CAPRIN1: variants seen among roughly 807,000 people sequenced by gnomAD.
CAPRIN1 encodes the protein caprin-1.
In CAPRIN1, 29 loss-of-function variants were observed where a neutral mutation model predicts 100.9. The ratio of observed to expected loss-of-function variants is 0.29; its 90% CI spans 0.21 to 0.39. The LOEUF (loss-of-function observed/expected upper bound fraction) is 0.39. Among genes scored for constraint, CAPRIN1 ranks in the 10% least tolerant of loss-of-function variants. The pLI is 1.00. For missense variants in CAPRIN1, 795 were observed against 876.7 expected (o/e 0.91, Z 1.18); for synonymous variants, 338 against 307.5 (o/e 1.10, Z -1.04).
rs199858289 is a variant in CAPRIN1 at position 34,080,746 on chromosome 11, C to CA, written c.826+983dup. Among the ~76,000 whole-genome samples, 935 of 152,258 alleles carry CA rather than the reference C, an allele frequency of 6.1e-3. 14 individuals are homozygous for CA. The highest frequency in any genetic ancestry group is 0.021 in the African/African-American group (890 of 41,538). On this transcript the variant is annotated intron_variant, in intron 7 of 18. Transcript: ENST00000341394. ...CACTTACTAGCTCTGTAACTTTGGG[C>CA]AAGTTAATGAAACTCTTGTACCTCA...
intron 2 of CAPRIN1, among the ~76,000 whole-genome samples, chr11:34,060,481 A>AGT (rs1850555190): frequency 6.6e-6 from 1 of 152,208 alleles, no homozygotes; most frequent in Admixed American, 6.5e-5. Context: ...TTGGGATTAC[A>AGT]GGGTTGACCC....
chr11:34,056,209 AT>A (rs752575989), intron 2 of CAPRIN1, among the ~76,000 whole-genome samples: 2 of 152,226 alleles, frequency 1.3e-5, no homozygotes, highest in Non-Finnish European at 2.9e-5. Context: ...ACCTATTCTT[AT>A]CGGAGCCTTC....
intron 2 of CAPRIN1, among the ~76,000 whole-genome samples, chr11:34,058,367 C>G (rs1850500034): frequency 6.6e-6 from 1 of 152,094 alleles, no homozygotes; most frequent in African/African-American, 2.4e-5. Context: ...AAACTCCTGA[C>G]CTCAAGTGAT....
chr11:34,098,403 AACT>A, intron 18 of CAPRIN1: 1 of 985,416 alleles, frequency 1.0e-6, no homozygotes, highest in African/African-American at 1.7e-5. Flanking sequence ...ACTGTTGGAA[AACT>A]ACTTCCCATT....
rs113075451 is a variant in CAPRIN1, at chr11:34,059,492, A to G, written c.216+6856A>G. On this transcript the variant is annotated intron_variant, in intron 2 of 18. Coordinates refer to ENST00000341394, the MANE Select transcript of CAPRIN1 (RefSeq NM_005898.5). ...GCCATGTTGGCCATGCTGGTCTTGAACTCCTGACCTTGTGATCTGCCTGCC... is the reference window on the plus strand; with the variant it reads ...GCCATGTTGGCCATGCTGGTCTTGAGCTCCTGACCTTGTGATCTGCCTGCC... 9.5e-4 allele frequency among the ~76,000 whole-genome samples: 144 copies of G among 151,114 alleles called. 1 individual carries two copies. The highest frequency in any genetic ancestry group is 3.2e-3 in the African/African-American group (133 of 41,126).
intron 15 of CAPRIN1, among the ~76,000 whole-genome samples, chr11:34,093,758 T>C (rs1465514502): frequency 4.0e-5 from 6 of 150,980 alleles, no homozygotes; most frequent in Non-Finnish European, 8.8e-5. Flanking sequence ...TACCTCAGTC[T>C]CCCAAGTAGC....
chr11:34,096,617 C>A lies in CAPRIN1; in HGVS notation c.1844C>A (p.Ser615Tyr). The change falls in exon 16 of 19, where the codon TCC (serine) becomes TAC (tyrosine). Residue 615 changes from serine to tyrosine, a missense_variant. Ser to Tyr is a moderately radical substitution (Grantham distance 144). This residue lies in a region of CAPRIN1 where 648 missense variants were observed against 697.9 expected (regional missense o/e 0.93). Transcript: ENST00000341394. Reference protein sequence around the residue: ...YNSRGVSRGGSRGARGLMNGY... With the variant: ...YNSRGVSRGGYRGARGLMNGY... ...AGTCGTGGTGTGTCTCGTGGAGGCT[C>A]CCGTGGTGCTAGAGGCTTGATGAAT... 2 of 1,613,382 alleles carry A rather than the reference C, an allele frequency of 1.2e-6. No homozygotes were observed. The highest frequency in any genetic ancestry group is 1.7e-6 in the Non-Finnish European group (2 of 1,179,526).
At chr11:34,069,296 C>T (rs1030480838) in intron 2 of CAPRIN1, among the ~76,000 whole-genome samples, 3 of 151,486 alleles carry the variant, frequency 2.0e-5, no homozygotes, top group Non-Finnish European at 4.4e-5. Flanking sequence ...ATTACAAGTG[C>T]GCGCCACCAT....
In CAPRIN1 at chr11:34,082,993, C is replaced by T; in HGVS notation, c.918C>T (p.Thr306=). Residue 306 remains threonine, a synonymous_variant, in exon 9 of 19, where the codon ACC becomes ACT. Transcript: ENST00000341394. ...NRQFMAETQF[T]SGEKEQVDEW... ...AGTTCATGGCAGAAACACAGTTCAC[C>T]AGTGGTGAAAAGGAGCAGGTAGATG... 1.2e-6 allele frequency: 2 copies of T among 1,614,058 alleles called. No individual in the cohort carries two copies.
Position 34,065,053 on chromosome 11 carries a change from G to A in CAPRIN1, c.217-6673G>A, listed in dbSNP as rs149431307. Among the ~76,000 whole-genome samples, 350 of 148,550 alleles carry A rather than the reference G, an allele frequency of 2.4e-3. 1 individual carries two copies. The highest frequency in any genetic ancestry group is 8.5e-3 in the African/African-American group (343 of 40,210). ...CGGCTCACTGCAAGCTCCACCTCCCGGGTTCTCACCTTTCTCCTGCCTCAG... is the reference window on the plus strand; with the variant it reads ...CGGCTCACTGCAAGCTCCACCTCCCAGGTTCTCACCTTTCTCCTGCCTCAG... On this transcript the variant is annotated intron_variant, in intron 2 of 18. Transcript: ENST00000341394.
Position 34,064,267 on chromosome 11 carries a change from A to G in CAPRIN1, c.217-7459A>G, listed in dbSNP as rs371566393. Reference sequence around the variant, plus strand: ...ACTCCTATCTTACCATTCTGTTCTTAGTATAATGTTGGATCTGTCAATGTG... The same window carrying G: ...ACTCCTATCTTACCATTCTGTTCTTGGTATAATGTTGGATCTGTCAATGTG... On this transcript the variant is annotated intron_variant, in intron 2 of 18. Coordinates refer to ENST00000341394, the MANE Select transcript of CAPRIN1 (RefSeq NM_005898.5). Among the ~76,000 whole-genome samples the G allele has an allele frequency of 2.0e-5, 3 of 152,228 alleles. No homozygotes were observed. In the South Asian group the frequency reaches 6.2e-4, roughly 32 times the overall value.
At position 34,099,899 on chromosome 11, in the gene CAPRIN1, T is replaced by C. The variant is rs1419069109; in HGVS notation, c.*532T>C. 6.5e-6 allele frequency: 1 copy of C among 154,858 alleles called. No individual in the cohort carries two copies. The highest frequency in any genetic ancestry group is 1.4e-5 in the Non-Finnish European group (1 of 69,334). 9.6% of individuals were successfully genotyped at this position (154,858 alleles called of 1,614,324 possible). A position where few individuals can be genotyped will look rare whatever the true frequency, so the allele number is the denominator to read the frequency against. On this transcript the variant is annotated 3_prime_UTR_variant, in exon 19 of 19. Transcript: ENST00000341394. Reference sequence around the variant, plus strand: ...AGATGCATACCAAATTATGCATGGGTCCTAATCACACATATAAGGCTGGCT... The same window carrying C: ...AGATGCATACCAAATTATGCATGGGCCCTAATCACACATATAAGGCTGGCT...
chr11:34,055,576 C>T (rs765971753), intron 2 of CAPRIN1: 1 of 152,218 alleles, frequency 6.6e-6, no homozygotes, highest in Admixed American at 6.5e-5. Flanking sequence ...ATCCAGCCGC[C>T]TCGGCCTCCC....
At chr11:34,052,710 A>G (rs1850351497) in intron 2 of CAPRIN1, 74 bp downstream of exon 2, 1 of 1,482,008 alleles carries the variant, frequency 6.7e-7, no homozygotes, top group Admixed American at 2.2e-5. Flanking sequence ...TGGTCGCTGG[A>G]GCCTTCGCTT....
At chr11:34,052,707 TGGA>T in intron 2 of CAPRIN1, 71 bp downstream of exon 2, 1 of 1,488,914 alleles carries the variant, frequency 6.7e-7, no homozygotes, top group Non-Finnish European at 9.1e-7. Context: ...CCCTGGTCGC[TGGA>T]GCCTTCGCTT....
chr11:34,084,671 GTA>G (rs2134122340), intron 9 of CAPRIN1, among the ~76,000 whole-genome samples: 1 of 152,262 alleles, frequency 6.6e-6, no homozygotes, highest in African/African-American at 2.4e-5. Context: ...AATGTCAGCT[GTA>G]TATATGAGGT....
intron 2 of CAPRIN1, among the ~76,000 whole-genome samples, chr11:34,054,613 G>C (rs1850409075): frequency 6.6e-6 from 1 of 152,056 alleles, no homozygotes; most frequent in African/African-American, 2.4e-5. Context: ...ATTTTTAGTA[G>C]AGACAGGGTT....
intron 2 of CAPRIN1, among the ~76,000 whole-genome samples, chr11:34,064,426 A>G (rs941398336): frequency 6.6e-6 from 1 of 152,246 alleles, no homozygotes; most frequent in Admixed American, 6.5e-5. Context: ...TTAAGATGGC[A>G]TCATTTTTCT....
chr11:34,090,049 T>C lies in CAPRIN1; in HGVS notation c.1294-130T>C, dbSNP rs2134130214. 3 of 522,328 alleles carry C rather than the reference T, an allele frequency of 5.7e-6. No individual in the cohort carries two copies. In the East Asian group the frequency reaches 9.2e-5, roughly 16 times the overall value. 32.4% of individuals were successfully genotyped at this position (522,328 alleles called of 1,614,324 possible). On this transcript the variant is annotated intron_variant, in intron 12 of 18. Coordinates refer to ENST00000341394, the MANE Select transcript of CAPRIN1 (RefSeq NM_005898.5). ...ATTATACAAATTTAAAGAGAGATGG[T>C]AATATTAATTTCTCCCTTCTTTAGC...
Sources: allele counts gnomAD v4.1 joint callset (sites outside exome capture counted in the v4.1 genomes callset), GRCh38; gene constraint gnomAD v4.1.1; regional missense constraint gnomAD v4.1.1; transcripts MANE v1.5; gene names NCBI Gene and HGNC (gene_info 2026-07-23, HGNC 2026-07-21).